The following SEPTIN10 variants were observed in gnomAD, a reference collection of about 807,000 sequenced individuals.
SEPTIN10 encodes septin-10.
Under a neutral mutation model 54.8 loss-of-function variants are expected in SEPTIN10, and 66 were observed. The observed-to-expected ratio is 1.21, with a 90% CI of 0.99 to 1.48. SEPTIN10 has a LOEUF of 1.48. Among genes scored for constraint, SEPTIN10 ranks in the 40% most tolerant of loss-of-function variants. The pLI is 0.00. For missense variants in SEPTIN10, 620 were observed against 545.6 expected (o/e 1.14, Z -1.36); for synonymous variants, 161 against 181.0 (o/e 0.89, Z 0.89).
At chr2:109,606,672 C>CTTT (rs34414105) in intron 1 of SEPTIN10, among the ~76,000 whole-genome samples, 1,687 of 71,922 alleles carry the variant, frequency 0.023, 198 homozygotes, top group African/African-American at 0.067. Context: ...AAATTTTAAG[C>CTTT]TTTTTTTTTT....
chr2:109,560,629 A>G (rs1408153987), intron 8 of SEPTIN10, among the ~76,000 whole-genome samples: 1 of 152,168 alleles, frequency 6.6e-6, no homozygotes, highest in Non-Finnish European at 1.5e-5. Flanking sequence ...CTTACTTGTA[A>G]TTGTCACTTT....
At chr2:109,577,931 AAAAG>A (rs1448152005) in intron 4 of SEPTIN10, among the ~76,000 whole-genome samples, 8 of 151,528 alleles carry the variant, frequency 5.3e-5, no homozygotes, top group African/African-American at 1.9e-4. Flanking sequence ...AAAAAAAAAA[AAAAG>A]AGTTAATATA....
intron 5 of SEPTIN10, among the ~76,000 whole-genome samples, chr2:109,571,887 CCTGG>C (rs1322879571): frequency 9.2e-5 from 14 of 152,262 alleles, no homozygotes; most frequent in African/African-American, 3.1e-4. Flanking sequence ...ATAAATTGCT[CCTGG>C]CTAACACTTC....
intron 10 of SEPTIN10, 31 bp from the exon 11 acceptor site, chr2:109,544,355 C>A: frequency 2.6e-6 from 4 of 1,553,966 alleles, no homozygotes; most frequent in Admixed American, 2.2e-5. Flanking sequence ...TTGATTGGTA[C>A]AATTTAAAAA....
intron 9 of SEPTIN10, among the ~76,000 whole-genome samples, chr2:109,549,096 G>A (rs1413689360): frequency 2.0e-5 from 3 of 152,150 alleles, no homozygotes; most frequent in African/African-American, 4.8e-5. Context: ...AAAGTTACAT[G>A]TTAGGTATGT....
intron 6 of SEPTIN10, 64 bp downstream of exon 6, chr2:109,567,751 T>C: frequency 1.4e-6 from 2 of 1,441,394 alleles, no homozygotes; most frequent in Non-Finnish European, 1.9e-6. Flanking sequence ...GCAGCAATAT[T>C]ACTCACAAAT....
intron 1 of SEPTIN10, 119 bp downstream of exon 1, chr2:109,613,679 G>A: frequency 1.5e-6 from 1 of 667,018 alleles, no homozygotes; most frequent in Non-Finnish European, 2.1e-6. Context: ...GGCGGGCGGG[G>A]CCGGAGGGGG....
chr2:109,605,830 CAG>C (rs1309481110), intron 1 of SEPTIN10: 1 of 152,164 alleles, frequency 6.6e-6, no homozygotes, highest in African/African-American at 2.4e-5. Flanking sequence ...TCTACCAAAA[CAG>C]AGAGCCCCCA....
intron 4 of SEPTIN10, among the ~76,000 whole-genome samples, chr2:109,580,228 A>G (rs996960565): frequency 6.6e-6 from 1 of 152,006 alleles, no homozygotes; most frequent in Non-Finnish European, 1.5e-5. Context: ...AAAGAACACT[A>G]TATTATGATC....
intron 9 of SEPTIN10, among the ~76,000 whole-genome samples, chr2:109,549,973 CT>C (rs1426873763): frequency 1.3e-5 from 2 of 152,136 alleles, no homozygotes; most frequent in African/African-American, 4.8e-5. Flanking sequence ...AATGCTGTAT[CT>C]TTTGTAAACA....
At chr2:109,562,147 A>G (rs887169509) in intron 8 of SEPTIN10, among the ~76,000 whole-genome samples, 2 of 152,100 alleles carry the variant, frequency 1.3e-5, no homozygotes, top group Non-Finnish European at 2.9e-5. Flanking sequence ...CAGGAGGCAG[A>G]GGTTGCAGTG....
chr2:109,572,918 C>T (rs1274714720), intron 5 of SEPTIN10, among the ~76,000 whole-genome samples: 1 of 152,130 alleles, frequency 6.6e-6, no homozygotes, highest in Non-Finnish European at 1.5e-5. Flanking sequence ...TCCAGCCCAA[C>T]AACCTTCTTA....
rs1429623484 is a variant in SEPTIN10, at chr2:109,553,086, CCT to C, written c.1160_1161del (p.Glu387AlafsTer6). On this transcript the variant is annotated frameshift_variant and splice_region_variant, in exon 9 of 11. Coordinates refer to ENST00000397712, the MANE Select transcript of SEPTIN10 (RefSeq NM_144710.5). LOFTEE classifies it high-confidence loss of function. ...AAATCACATCAAACCAGCATACTTG[CCT>C]CTCTCTCAGCTTCTTTCAATATGGC... ...KEAILKEAER[E>X]LQAKFEHLKR... 1.2e-6 allele frequency: 2 copies of C among 1,607,988 alleles called. No individual in the cohort carries two copies. Among genetic ancestry groups the C allele is most frequent in the Admixed American group, 1.7e-5 (1 of 59,526 alleles).
chr2:109,571,808 C>T (rs541350493), intron 5 of SEPTIN10, among the ~76,000 whole-genome samples: 1 of 152,164 alleles, frequency 6.6e-6, no homozygotes, highest in Admixed American at 6.5e-5. Context: ...TCAAGGTGGA[C>T]TGCCTCTGAA....
At chr2:109,544,808 A>G (rs1417678809) in intron 10 of SEPTIN10, 1 of 752,148 alleles carries the variant, frequency 1.3e-6, no homozygotes, top group African/African-American at 1.9e-5. Context: ...CATGCCTACT[A>G]TGTACCAGAC....
In SEPTIN10 at chr2:109,567,841, T is replaced by C. The variant is rs778575721; in HGVS notation, c.736A>G (p.Ile246Val). 11 of 1,610,038 alleles carry C rather than the reference T, an allele frequency of 6.8e-6. No homozygotes were observed. Among genetic ancestry groups the C allele is most frequent in the East Asian group, 2.2e-5 (1 of 44,838 alleles). ...IYQFPTDDDT[I>V]AKVNAAMNGQ... ...TTCATTGCAGCGTTGACCTTAGCAA[T>C]AGTGTCATCATCCGTTGGGAACTGG... The change falls in exon 6 of 11, where the codon ATT (isoleucine) becomes GTT (valine). Residue 246 changes from isoleucine (I) to valine (V), a missense_variant. Physicochemically the swap from Ile to Val is conservative, Grantham distance 29. Transcript: ENST00000397712.
intron 9 of SEPTIN10, 36 bp from the exon 10 acceptor site, chr2:109,546,273 G>A (rs1419214103): frequency 1.4e-6 from 2 of 1,425,826 alleles, no homozygotes; most frequent in African/African-American, 2.9e-5. Context: ...TACTGACACA[G>A]CGCGGCAGCA....
At chr2:109,589,238 G>A (rs1693378515) in intron 2 of SEPTIN10, among the ~76,000 whole-genome samples, 1 of 152,090 alleles carries the variant, frequency 6.6e-6, no homozygotes, top group South Asian at 2.1e-4. Context: ...CACCTCCCAG[G>A]TTCAAGTGGT....
chr2:109,550,944 T>C (rs976759887), intron 9 of SEPTIN10, among the ~76,000 whole-genome samples: 6 of 152,186 alleles, frequency 3.9e-5, no homozygotes, highest in Non-Finnish European at 8.8e-5. Context: ...TTCCAAGATA[T>C]AGACAGACAT....
Sources: gnomAD v4.1 joint callset for allele counts (sites outside exome capture counted in the v4.1 genomes callset) on GRCh38, gnomAD v4.1.1 for gene constraint, MANE v1.5 for transcripts, NCBI Gene and HGNC (gene_info 2026-07-23, HGNC 2026-07-21) for gene names.